The following NELL1 variants were observed in gnomAD, a reference collection of about 807,000 sequenced individuals.
NELL1 encodes neural EGFL like 1.
Under a neutral mutation model 107.4 loss-of-function variants are expected in NELL1, and 76 were observed. The observed-to-expected ratio is 0.71, with a 90% CI of 0.59 to 0.86. The LOEUF is 0.86. NELL1 is among the 40% of genes least tolerant of loss of function. The pLI is 0.00. For synonymous variants in NELL1, 353 were observed against 341.2 expected, an observed-to-expected ratio of 1.03 and a Z score of -0.38; for missense variants, 1,024 against 1,005.5, an observed-to-expected ratio of 1.02 and a Z score of -0.25.
intron 15 of NELL1, among the ~76,000 whole-genome samples, chr11:21,381,904 A>ATTTGTTTTTT (rs1851619279): frequency 1.1e-5 from 1 of 91,356 alleles, no homozygotes; most frequent in African/African-American, 4.5e-5. Flanking sequence ...CCTGGAAGGG[A>ATTTGTTTTTT]TTTTTTTTTT....
intron 4 of NELL1, among the ~76,000 whole-genome samples, chr11:20,866,255 C>A (rs913838613): frequency 6.6e-6 from 1 of 152,112 alleles, no homozygotes; most frequent in African/African-American, 2.4e-5. Flanking sequence ...TCAGCACAGC[C>A]AATGAGAAGC....
At chr11:20,720,315 C>A (rs1855351124) in intron 2 of NELL1, among the ~76,000 whole-genome samples, 1 of 151,304 alleles carries the variant, frequency 6.6e-6, no homozygotes, top group South Asian at 2.1e-4. Context: ...TCAAGCGATT[C>A]TCCTGCCTCA....
intron 15 of NELL1, among the ~76,000 whole-genome samples, chr11:21,497,762 T>C (rs1171128596): frequency 6.6e-6 from 1 of 152,110 alleles, no homozygotes; most frequent in Non-Finnish European, 1.5e-5. Flanking sequence ...GTAGGGGGTA[T>C]AACATTTTCA....
intron 12 of NELL1, among the ~76,000 whole-genome samples, chr11:21,036,288 C>T (rs1311287897): frequency 6.6e-6 from 1 of 152,076 alleles, no homozygotes; most frequent in Non-Finnish European, 1.5e-5. Flanking sequence ...GAATTAATAT[C>T]ATTAAAATGG....
chr11:21,220,139 C>T (rs375712019), intron 13 of NELL1, among the ~76,000 whole-genome samples: 7 of 152,140 alleles, frequency 4.6e-5, no homozygotes, highest in Admixed American at 2.0e-4. Flanking sequence ...GAGGTTTGGG[C>T]AGGGACACAA....
chr11:20,858,408 A>G (rs1227266048), intron 4 of NELL1, among the ~76,000 whole-genome samples: 2 of 152,214 alleles, frequency 1.3e-5, no homozygotes, highest in African/African-American at 4.8e-5. Context: ...ACTCAGGGCA[A>G]TATGGATGAT....
chr11:20,765,982 G>A (rs1344185725), intron 2 of NELL1, among the ~76,000 whole-genome samples: 1 of 152,114 alleles, frequency 6.6e-6, no homozygotes, highest in Non-Finnish European at 1.5e-5. Context: ...TATTTTAGGA[G>A]GATTGGATTT....
At chr11:21,291,328 A>C (rs1849256304) in intron 14 of NELL1, among the ~76,000 whole-genome samples, 1 of 152,172 alleles carries the variant, frequency 6.6e-6, no homozygotes, top group African/African-American at 2.4e-5. Context: ...AATCTCTGGG[A>C]CACAGCTAAA....
intron 4 of NELL1, among the ~76,000 whole-genome samples, chr11:20,875,265 C>A (rs189157253): frequency 6.6e-4 from 100 of 152,064 alleles, no homozygotes; most frequent in African/African-American, 2.2e-3. Context: ...AACTTTGGAC[C>A]CTTTTCATTT....
At chr11:21,089,074 TG>T (rs1194072263) in intron 12 of NELL1, among the ~76,000 whole-genome samples, 1 of 152,128 alleles carries the variant, frequency 6.6e-6, no homozygotes, top group Admixed American at 6.5e-5. Flanking sequence ...GAATGGGGGA[TG>T]GGACATAGAT....
intron 14 of NELL1, among the ~76,000 whole-genome samples, chr11:21,303,070 C>CTCTATA (rs3993104): frequency 0.15 from 21,800 of 147,444 alleles, 1,780 homozygotes; most frequent in South Asian, 0.2. Flanking sequence ...CTCTCTTTTG[C>CTCTATA]TCTATATCTA....
At chr11:21,169,152 T>A (rs1856549042) in intron 13 of NELL1, among the ~76,000 whole-genome samples, 1 of 151,844 alleles carries the variant, frequency 6.6e-6, no homozygotes, top group Admixed American at 6.6e-5. Flanking sequence ...GAGTAATGTT[T>A]ATAGGGATCA....
At chr11:20,787,718 T>G (rs1519736) in intron 3 of NELL1, among the ~76,000 whole-genome samples, 85,937 of 152,076 alleles carry the variant, frequency 0.57, 27,534 homozygotes, top group East Asian at 0.87. Flanking sequence ...TGGGCATTAT[T>G]AGATTCCTAG....
intron 14 of NELL1, among the ~76,000 whole-genome samples, chr11:21,266,055 C>G (rs1181080314): frequency 2.6e-5 from 4 of 151,976 alleles, no homozygotes; most frequent in Non-Finnish European, 5.9e-5. Flanking sequence ...CTGCTACTAG[C>G]CCCTCCTTAA....
At chr11:21,113,859 A>G (rs1273969123) in intron 13 of NELL1, 145 bp downstream of exon 13, 2 of 800,692 alleles carry the variant, frequency 2.5e-6, no homozygotes, top group African/African-American at 3.6e-5. Context: ...CCTTTTGAGA[A>G]AAAAGCAATA....
chr11:21,145,478 G>A (rs544697345), intron 13 of NELL1, among the ~76,000 whole-genome samples: 1 of 152,246 alleles, frequency 6.6e-6, no homozygotes, highest in East Asian at 1.9e-4. Context: ...GAGATAGAAA[G>A]ATGTGGGTTG....
At chr11:20,772,721 C>T (rs1856665259) in intron 2 of NELL1, among the ~76,000 whole-genome samples, 1 of 152,170 alleles carries the variant, frequency 6.6e-6, no homozygotes, top group Non-Finnish European at 1.5e-5. Context: ...TAAGGTCTTA[C>T]AGCAGGTACT....
chr11:20,839,515 A>G (rs999651289), intron 3 of NELL1, among the ~76,000 whole-genome samples: 2 of 152,224 alleles, frequency 1.3e-5, no homozygotes, highest in African/African-American at 4.8e-5. Context: ...GTTAATTTTC[A>G]TGTATATAGA....
intron 3 of NELL1, among the ~76,000 whole-genome samples, chr11:20,791,554 T>C (rs1021621938): frequency 2.0e-5 from 3 of 152,178 alleles, no homozygotes; most frequent in African/African-American, 7.2e-5. Context: ...ACCTGCTGCC[T>C]GTTAGTTCAT....
Sources: allele counts gnomAD v4.1 joint callset (sites outside exome capture counted in the v4.1 genomes callset), GRCh38; gene constraint gnomAD v4.1.1; transcripts MANE v1.5; gene names NCBI Gene and HGNC (gene_info 2026-07-23, HGNC 2026-07-21).